Variants in DCC observed in about 807,000 individuals in gnomAD.
DCC encodes the protein DCC netrin 1 receptor, also known as netrin receptor DCC.
In DCC, 58 loss-of-function variants were observed where a neutral mutation model predicts 172.5. The observed-to-expected ratio is 0.34, with a 90% CI of 0.27 to 0.42. The LOEUF is 0.42. Ranked by LOEUF, DCC falls within the 10% of genes least tolerant of loss-of-function variation. The pLI, the probability that DCC is intolerant of heterozygous loss-of-function variation, is 1.00. For missense variants in DCC, 1,740 were observed against 1,791.0 expected, an observed-to-expected ratio of 0.97 and a Z score of 0.51; for synonymous variants, 709 against 644.5, an observed-to-expected ratio of 1.10 and a Z score of -1.52.
chr18:53,390,432 C>T (rs1390587057), intron 16 of DCC, among the ~76,000 whole-genome samples: 1 of 152,126 alleles, frequency 6.6e-6, no homozygotes, highest in African/African-American at 2.4e-5. Flanking sequence ...AGTCACTCCA[C>T]TTTAAACTAG....
At chr18:53,375,280 T>C (rs1258563308) in intron 15 of DCC, among the ~76,000 whole-genome samples, 1 of 152,202 alleles carries the variant, frequency 6.6e-6, no homozygotes, top group Non-Finnish European at 1.5e-5. Context: ...GTTTTAATGC[T>C]CTGCTATGTC....
chr18:52,728,558 T>A (rs1299846061), intron 1 of DCC, among the ~76,000 whole-genome samples: 1 of 152,202 alleles, frequency 6.6e-6, no homozygotes, highest in African/African-American at 2.4e-5. Context: ...ATATGAGAGA[T>A]CATTTCCTCA....
At chr18:52,688,206 A>C (rs1003840296) in intron 1 of DCC, among the ~76,000 whole-genome samples, 2 of 152,026 alleles carry the variant, frequency 1.3e-5, no homozygotes, top group Non-Finnish European at 2.9e-5. Context: ...TTTCCTAAAT[A>C]AATATTTACT....
At chr18:53,405,255 A>G (rs1909587981) in intron 19 of DCC, among the ~76,000 whole-genome samples, 1 of 150,918 alleles carries the variant, frequency 6.6e-6, no homozygotes, top group Non-Finnish European at 1.5e-5. Flanking sequence ...CCAAGGAGGG[A>G]TGTGCTCTCA....
chr18:52,397,243 G>A (rs75340075), intron 1 of DCC, among the ~76,000 whole-genome samples: 1,888 of 152,102 alleles, frequency 0.012, 38 homozygotes, highest in African/African-American at 0.043. Context: ...CTGGGGAAGA[G>A]CTCCCAAAAC....
At chr18:52,546,079 T>C (rs765114330) in intron 1 of DCC, among the ~76,000 whole-genome samples, 1 of 152,178 alleles carries the variant, frequency 6.6e-6, no homozygotes, top group Non-Finnish European at 1.5e-5. Flanking sequence ...CAAAACAAAA[T>C]GATTCCTACC....
chr18:53,021,031 C>T (rs1298435919), intron 5 of DCC, among the ~76,000 whole-genome samples: 6 of 152,126 alleles, frequency 3.9e-5, no homozygotes, highest in African/African-American at 1.4e-4. Context: ...AGCCAGGGAG[C>T]AGAGAGGAAA....
rs548538739 is a variant in DCC at position 53,189,229 on chromosome 18, A to G, written c.1573+10113A>G. 6.6e-5 allele frequency among the ~76,000 whole-genome samples: 10 copies of G among 151,788 alleles called. No homozygotes were observed. The East Asian group carries it at 1.8e-3, about 27-fold the overall frequency. ...TGTGTAGATATGTGTATATGTATATATGTGTGTGTATATATATTCAGGTCA... is the reference window on the plus strand; with the variant it reads ...TGTGTAGATATGTGTATATGTATATGTGTGTGTGTATATATATTCAGGTCA... On this transcript the variant is annotated intron_variant, in intron 9 of 28. Transcript: ENST00000442544.
intron 1 of DCC, among the ~76,000 whole-genome samples, chr18:52,666,836 G>A (rs1220905871): frequency 1.3e-5 from 2 of 152,058 alleles, no homozygotes; most frequent in Non-Finnish European, 2.9e-5. Flanking sequence ...CTTATAATTT[G>A]AAGAAAATAC....
intron 2 of DCC, among the ~76,000 whole-genome samples, chr18:52,831,932 G>A (rs965764436): frequency 5.3e-5 from 8 of 152,070 alleles, no homozygotes; most frequent in Admixed American, 1.3e-4. Flanking sequence ...GCCAGTGCCC[G>A]AGCCCTGCAT....
intron 1 of DCC, among the ~76,000 whole-genome samples, chr18:52,560,842 T>G (rs1279021282): frequency 6.6e-6 from 1 of 152,222 alleles, no homozygotes; most frequent in Admixed American, 6.5e-5. Context: ...ATAAAGTATT[T>G]GCTTATTTTC....
At chr18:53,158,195 T>C (rs1050369704) in intron 8 of DCC, among the ~76,000 whole-genome samples, 2 of 152,158 alleles carry the variant, frequency 1.3e-5, no homozygotes, top group Non-Finnish European at 2.9e-5. Flanking sequence ...TTGGCTAGCA[T>C]TAAATTAAGT....
At chr18:53,230,810 A>G (rs78997170) in intron 12 of DCC, among the ~76,000 whole-genome samples, 322 of 152,132 alleles carry the variant, frequency 2.1e-3, no homozygotes, top group African/African-American at 6.7e-3. Flanking sequence ...CTGTGTTTCA[A>G]TCATTCACCT....
intron 26 of DCC, 139 bp from the exon 27 acceptor site, chr18:53,499,159 G>A (rs1051061234): frequency 7.4e-6 from 6 of 811,134 alleles, no homozygotes; most frequent in Non-Finnish European, 1.3e-5. Flanking sequence ...GTAGACGAAT[G>A]ACAATGTTCA....
At chr18:52,763,835 T>A (rs1464156144) in intron 2 of DCC, among the ~76,000 whole-genome samples, 1 of 152,238 alleles carries the variant, frequency 6.6e-6, no homozygotes. Flanking sequence ...ATCCTGTGGC[T>A]TGTTTTTTCA....
chr18:52,522,456 C>A (rs144789427), intron 1 of DCC, among the ~76,000 whole-genome samples: 1 of 152,090 alleles, frequency 6.6e-6, no homozygotes, highest in Admixed American at 6.6e-5. Flanking sequence ...AACACTCTCC[C>A]GAAAATCTCT....
intron 7 of DCC, among the ~76,000 whole-genome samples, chr18:53,119,214 C>T (rs2043448862): frequency 6.6e-6 from 1 of 151,826 alleles, no homozygotes; most frequent in African/African-American, 2.4e-5. Context: ...AGCTTCGTTT[C>T]ATTGGCGTAC....
In DCC at chr18:52,438,222, G is replaced by A. The variant is rs879778312; in HGVS notation, c.91+97344G>A. Among the ~76,000 whole-genome samples the A allele has an allele frequency of 6.6e-5, 10 of 152,234 alleles. No homozygotes were observed. In the East Asian group the frequency reaches 1.2e-3, roughly 18 times the overall value. On this transcript the variant is annotated intron_variant, in intron 1 of 28. Coordinates refer to ENST00000442544, the MANE Select transcript of DCC (RefSeq NM_005215.4). ...CCACTGGGTTCTCAACTGGGTTCTC[G>A]ACATCTGCAGTGTTGTAGATGGGCA...
At chr18:52,560,569 A>G (rs1005413646) in intron 1 of DCC, among the ~76,000 whole-genome samples, 1 of 152,212 alleles carries the variant, frequency 6.6e-6, no homozygotes, top group Non-Finnish European at 1.5e-5. Flanking sequence ...CTTCTGTAGA[A>G]TAGAAAAACA....
Sources: allele counts gnomAD v4.1 joint callset (sites outside exome capture counted in the v4.1 genomes callset), GRCh38; gene constraint gnomAD v4.1.1; transcripts MANE v1.5; gene names NCBI Gene and HGNC (gene_info 2026-07-23, HGNC 2026-07-21).